The following DHX29 variants were observed in gnomAD, a reference collection of about 807,000 sequenced individuals.
DHX29 encodes the protein ATP-dependent RNA helicase DHX29.
Under a neutral mutation model 167.9 loss-of-function variants are expected in DHX29, and 79 were observed. The observed-to-expected ratio is 0.47, with a 90% CI of 0.39 to 0.57. The LOEUF (loss-of-function observed/expected upper bound fraction) is 0.57. Ranked by LOEUF, DHX29 falls within the 20% of genes least tolerant of loss-of-function variation. DHX29 has a pLI of 0.00. For synonymous variants in DHX29, 530 were observed against 546.0 expected (o/e 0.97, Z 0.41); for missense variants, 1,347 against 1,593.4 (o/e 0.85, Z 2.63).
intron 6 of DHX29, 103 bp downstream of exon 6, chr5:55,293,914 A>G: frequency 7.8e-7 from 1 of 1,285,774 alleles, no homozygotes. Flanking sequence ...AACCCCTTGG[A>G]GGTACATTTC....
In DHX29 at chr5:55,294,469, T is replaced by C. The variant is rs920393264; in HGVS notation, c.652-324A>G. Among the ~76,000 whole-genome samples the C allele has an allele frequency of 3.9e-5, 6 of 152,168 alleles. No homozygotes were observed. The East Asian group carries it at 1.2e-3, about 29-fold the overall frequency. On this transcript the variant is annotated intron_variant, in intron 5 of 26. Transcript: ENST00000251636. ...GCGGGCGGATCACAAGGTCAGGAGATAGAGACTATCCTGGCTAACACGGTG... is the reference window on the plus strand; with the variant it reads ...GCGGGCGGATCACAAGGTCAGGAGACAGAGACTATCCTGGCTAACACGGTG...
In DHX29 at chr5:55,279,732, G is replaced by GT. The variant is rs201827152; in HGVS notation, c.2109+1639dup. The GT allele has an allele frequency of 4.9e-3, 735 of 149,440 alleles. 13 individuals carry two copies. The highest frequency in any genetic ancestry group is 0.018 in the African/African-American group (699 of 37,892). The allele number at this position is 149,440 out of a possible 1,614,324, so 9.3% of individuals were successfully genotyped here. A position where few individuals can be genotyped will look rare whatever the true frequency, so the allele number is the denominator to read the frequency against. On this transcript the variant is annotated intron_variant, in intron 12 of 26. Transcript: ENST00000251636. The stretch of plus-strand genomic sequence containing the variant: ...TTGTTTTGTTTTGTTTTGTTTTGCT[G>GT]TTTTTGTTTTTTTTTTTTGGAGAGA...
At chr5:55,297,147 T>C (rs1047076925) in intron 3 of DHX29, 138 bp downstream of exon 3, 8 of 594,888 alleles carry the variant, frequency 1.3e-5, no homozygotes, top group Non-Finnish European at 2.4e-5. Flanking sequence ...GTGTGCACAA[T>C]TCTTTCTCTA....
At position 55,307,464 on chromosome 5, in the gene DHX29, T is replaced by G. The variant is rs1182757441; in HGVS notation, c.110A>C (p.Gln37Pro). 6.2e-7 allele frequency: 1 copy of G among 1,613,496 alleles called. No homozygotes were observed. Among genetic ancestry groups the G allele is most frequent in the East Asian group, 2.2e-5 (1 of 44,870 alleles). Residue 37 changes from glutamine (Q) to proline (P), a missense_variant, in exon 1 of 27, where the codon CAA becomes CCA. Gln to Pro is a moderately conservative substitution (Grantham distance 76). Transcript: ENST00000251636. The stretch of plus-strand genomic sequence containing the variant: ...CGGCCTGGACACTGGCTTCTTGCTT[T>G]GGGCCTCCCCGGCAATTCCAGCCTC... ...SAEAGIAGEA[Q>P]SKKPVSRPAT... is the part of the protein sequence containing the mutation.
rs112027184 is a variant in DHX29 at position 55,270,998 on chromosome 5, T to C, written c.2865-292A>G. 2.4e-3 allele frequency among the ~76,000 whole-genome samples: 364 copies of C among 152,376 alleles called. 2 individuals carry two copies. Among genetic ancestry groups the C allele is most frequent in the Middle Eastern group, 0.024 (7 of 294 alleles). Reference sequence around the variant, plus strand: ...TTTAGTAGAATACCTATTAATTATGTGACGATAATTTTTGAAATATTTTGA... The same window carrying C: ...TTTAGTAGAATACCTATTAATTATGCGACGATAATTTTTGAAATATTTTGA... On this transcript the variant is annotated intron_variant, in intron 18 of 26. Coordinates refer to ENST00000251636, the MANE Select transcript of DHX29 (RefSeq NM_019030.4).
chr5:55,261,307 C>G, intron 25 of DHX29, 61 bp downstream of exon 25: 1 of 829,674 alleles, frequency 1.2e-6, no homozygotes, highest in South Asian at 2.2e-5. Context: ...AAAAAATGTA[C>G]CTCAATGGTA....
intron 10 of DHX29, among the ~76,000 whole-genome samples, chr5:55,284,530 A>G (rs1579792476): frequency 6.6e-6 from 1 of 152,336 alleles, no homozygotes; most frequent in East Asian, 1.9e-4. Flanking sequence ...AGAAATAGGA[A>G]AAGAACTACT....
intron 12 of DHX29, among the ~76,000 whole-genome samples, chr5:55,280,202 T>G (rs1256212849): frequency 1.3e-5 from 2 of 152,192 alleles, no homozygotes; most frequent in Admixed American, 6.5e-5. Flanking sequence ...CTGTAGTGTC[T>G]AAGAGGTTGA....
At chr5:55,263,324 C>T (rs768503816) in intron 23 of DHX29, among the ~76,000 whole-genome samples, 3 of 152,066 alleles carry the variant, frequency 2.0e-5, no homozygotes, top group Admixed American at 6.6e-5. Flanking sequence ...TTGCAAGTAC[C>T]TTCTTTATTT....
In DHX29 at chr5:55,294,102, C is replaced by G. The variant is rs181825538; in HGVS notation, c.695G>C (p.Trp232Ser). 1 of 1,603,642 alleles carries G rather than the reference C, an allele frequency of 6.2e-7. No individual in the cohort carries two copies. The highest frequency in any genetic ancestry group is 1.3e-5 in the African/African-American group (1 of 74,660). ...TTGTTGTTCAGCATATCGTAAAATC[C>G]ACTCTTTCATATTTACTTCCATATT... ...EKNMEVNMKE[W>S]ILRYAEQQNE... Residue 232 changes from tryptophan (W) to serine (S), a missense_variant, in exon 6 of 27, where the codon TGG becomes TCG. Trp to Ser is a radical substitution (Grantham distance 177). Around this residue, in one of 3 missense-constraint regions of DHX29, gnomAD observed 405 missense variants for 416.8 expected, o/e 0.97. Transcript: ENST00000251636.
chr5:55,304,611 T>C (rs1371091502), intron 1 of DHX29, among the ~76,000 whole-genome samples: 1 of 152,034 alleles, frequency 6.6e-6, no homozygotes, highest in Non-Finnish European at 1.5e-5. Context: ...CCTTCTTATA[T>C]GATGCCTTCC....
chr5:55,288,715 G>A (rs762000078), intron 8 of DHX29, among the ~76,000 whole-genome samples: 5 of 152,160 alleles, frequency 3.3e-5, no homozygotes, highest in Non-Finnish European at 7.4e-5. Flanking sequence ...TGGTGGTATG[G>A]AAGGAGTTAG....
rs1194149159 is a variant in DHX29, at chr5:55,261,434, A to G, written c.3894T>C (p.Phe1298=). The G allele has an allele frequency of 6.4e-7, 1 of 1,573,888 alleles. No individual in the cohort carries two copies. The highest frequency in any genetic ancestry group is 2.2e-5 in the East Asian group (1 of 44,538). ...GGTGCTGAACTTCTATATCACCACC[A>G]AAAAGTAAAACTGGAAAAGGGGTTA... is the stretch of plus-strand genomic sequence containing the variant. ...TLITPFPVLL[F]GGDIEVQHRE... The change falls in exon 25 of 27, where the codon TTT becomes TTC. Residue 1298 remains phenylalanine, a synonymous_variant. Coordinates refer to ENST00000251636, the MANE Select transcript of DHX29 (RefSeq NM_019030.4).
intron 17 of DHX29, among the ~76,000 whole-genome samples, 154 bp downstream of exon 17, chr5:55,273,139 A>T (rs949416112): frequency 2.6e-5 from 4 of 152,244 alleles, no homozygotes; most frequent in African/African-American, 4.8e-5. Flanking sequence ...CATTGGGTTC[A>T]CTTCTGATGA....
intron 8 of DHX29, among the ~76,000 whole-genome samples, chr5:55,288,836 G>A (rs1375453344): frequency 1.3e-5 from 2 of 152,114 alleles, no homozygotes; most frequent in African/African-American, 4.8e-5. Flanking sequence ...AACAGCCAAC[G>A]TTTTCAAGAG....
chr5:55,307,517 GGCGGCCCGGACCACC>G lies in DHX29; in HGVS notation c.42_56del (p.Val16_Val20del). 2.5e-6 allele frequency: 4 copies of G among 1,613,604 alleles called. No homozygotes were observed. Among genetic ancestry groups the G allele is most frequent in the Non-Finnish European group, 3.4e-6 (4 of 1,179,948 alleles). On this transcript the variant is annotated inframe_deletion, in exon 1 of 27. Coordinates refer to ENST00000251636, the MANE Select transcript of DHX29 (RefSeq NM_019030.4). ...CAGATTTGGCTCTGGAAGCAGACACGGCGGCCCGGACCACCGCGGCCGCTGGAGCCTTGTGTTTCT... is the reference window on the plus strand; with the variant it reads ...CAGATTTGGCTCTGGAAGCAGACACGGCGGCCGCTGGAGCCTTGTGTTTCT...
intron 1 of DHX29, 41 bp from the exon 2 acceptor site, chr5:55,298,705 C>G (rs761662616): frequency 1.0e-6 from 1 of 977,404 alleles, no homozygotes; most frequent in Admixed American, 1.9e-5. Flanking sequence ...TGATTAATAT[C>G]TATTACATTA....
At chr5:55,262,046 T>G (rs1719224415) in intron 24 of DHX29, among the ~76,000 whole-genome samples, 1 of 152,082 alleles carries the variant, frequency 6.6e-6, no homozygotes, top group Admixed American at 6.6e-5. Flanking sequence ...CATACTGCCT[T>G]AAAAAATGTG....
intron 10 of DHX29, 112 bp from the exon 11 acceptor site, chr5:55,283,923 A>G (rs940651191): frequency 1.2e-6 from 1 of 844,088 alleles, no homozygotes; most frequent in Non-Finnish European, 1.7e-6. Context: ...TTTGACTCAA[A>G]TTATTATTAC....
Sources: gnomAD v4.1 joint callset for allele counts (sites outside exome capture counted in the v4.1 genomes callset) on GRCh38, gnomAD v4.1.1 for gene constraint, gnomAD v4.1.1 regional missense constraint, MANE v1.5 for transcripts, NCBI Gene and HGNC (gene_info 2026-07-23, HGNC 2026-07-21) for gene names.